Variants in NAV3 observed in about 807,000 individuals in gnomAD.
NAV3 encodes the protein pore membrane and/or filament interacting like protein 1.
In NAV3, 87 loss-of-function variants were observed where a neutral mutation model predicts 244.7. The observed-to-expected ratio is 0.36, with a 90% CI of 0.30 to 0.42. The LOEUF (loss-of-function observed/expected upper bound fraction) is 0.42, where lower values mean the gene tolerates loss of function less well. NAV3 is among the 20% of genes least tolerant of loss of function. NAV3 has a pLI of 1.00. For synonymous variants in NAV3, 1,126 were observed against 1,042.2 expected, an observed-to-expected ratio of 1.08 and a Z score of -1.55; for missense variants, 2,663 against 2,893.3, an observed-to-expected ratio of 0.92 and a Z score of 1.83.
Position 77,960,445 on chromosome 12 carries a change from A to ATG in NAV3, c.415-5783_415-5782insGT, listed in dbSNP as rs1306776141. 1.5e-4 allele frequency among the ~76,000 whole-genome samples: 10 copies of ATG among 68,172 alleles called. No individual in the cohort carries two copies. The South Asian group carries it at 2.2e-3, about 15-fold the overall frequency. 44.7% of individuals were successfully genotyped at this position (68,172 alleles called of 152,430 possible). On this transcript the variant is annotated intron_variant, in intron 3 of 39. Transcript: ENST00000397909. ...ATACATTCTGGCCAGTCATATATAT[A>ATG]TATATACACACACACACACACACAC... is the stretch of plus-strand genomic sequence containing the variant.
intron 2 of NAV3, among the ~76,000 whole-genome samples, chr12:77,736,601 A>AG (rs1349357850): frequency 1.5e-4 from 23 of 152,290 alleles, no homozygotes; most frequent in African/African-American, 5.5e-4. Flanking sequence ...ATGGTAATTT[A>AG]GGGCTCACAG....
At chr12:78,190,358 G>C (rs1958919320) in intron 34 of NAV3, 139 bp downstream of exon 34, 2 of 690,664 alleles carry the variant, frequency 2.9e-6, no homozygotes, top group Admixed American at 5.7e-5. Context: ...TTGTAACCTG[G>C]TGAGTGATCA....
At chr12:77,769,457 G>T (rs1869959238) in intron 2 of NAV3, among the ~76,000 whole-genome samples, 1 of 152,198 alleles carries the variant, frequency 6.6e-6, no homozygotes, top group Admixed American at 6.5e-5. Flanking sequence ...TTGAAAAGAG[G>T]AATGTTGATC....
intron 2 of NAV3, among the ~76,000 whole-genome samples, chr12:77,767,948 C>G (rs1869864532): frequency 6.6e-6 from 1 of 152,234 alleles, no homozygotes; most frequent in Middle Eastern, 3.2e-3. Context: ...ACAAGGTATG[C>G]AGACAACTGG....
At chr12:77,830,449 T>C (rs1402060590), upstream of NAV3, among the ~76,000 whole-genome samples, 1 of 152,250 alleles carries the variant, frequency 6.6e-6, no homozygotes, top group Non-Finnish European at 1.5e-5. Context: ...AATGTGATAA[T>C]GCATAAAATG....
chr12:77,748,069 T>C (rs1443355701), intron 2 of NAV3, among the ~76,000 whole-genome samples: 1 of 152,200 alleles, frequency 6.6e-6, no homozygotes, highest in Non-Finnish European at 1.5e-5. Flanking sequence ...TTTTAAGTCT[T>C]AATAATTATG....
chr12:77,661,638 A>T (rs981071965), intron 2 of NAV3, among the ~76,000 whole-genome samples: 1 of 151,974 alleles, frequency 6.6e-6, no homozygotes. Context: ...AGGCCCCCCA[A>T]ATTTTCTCCT....
In NAV3 at chr12:78,190,101, G is replaced by C. The variant is rs183717093; in HGVS notation, c.6173G>C (p.Ser2058Thr). ...EHHRIILSGP[S>T]GTGKTYLANK... ...CACAGAATTATACTCTCAGGACCGA[G>C]TGGTACTGGAAAGACCTATTTGGCA... The change falls in exon 34 of 40, where the codon AGT becomes ACT. Residue 2058 changes from serine (S) to threonine (T), a missense_variant. Ser to Thr is a moderately conservative substitution (Grantham distance 58). Coordinates refer to ENST00000397909, the MANE Select transcript of NAV3 (RefSeq NM_001024383.2). 8 of 1,613,034 alleles carry C rather than the reference G, an allele frequency of 5.0e-6. No homozygotes were observed. The African/African-American group carries it at 9.3e-5, about 19-fold the overall frequency.
chr12:77,678,296 A>T (rs937371894), intron 2 of NAV3, among the ~76,000 whole-genome samples: 1 of 152,208 alleles, frequency 6.6e-6, no homozygotes, highest in East Asian at 1.9e-4. Flanking sequence ...CCTATTCAGC[A>T]TCACCAGAAG....
intron 2 of NAV3, among the ~76,000 whole-genome samples, chr12:77,604,286 A>C (rs1870572564): frequency 6.6e-6 from 1 of 152,096 alleles, no homozygotes; most frequent in Non-Finnish European, 1.5e-5. Context: ...AGGATCAGTG[A>C]GTGTAGCAGA....
In NAV3 at chr12:78,188,770, C is replaced by T. The variant is rs2139856883; in HGVS notation, c.6048C>T (p.Asn2016=). The stretch of plus-strand genomic sequence containing the variant: ...GAGATAATAACATCATCACTGTGAA[C>T]CTCAAAGGTAAAAGCAATAATGAAA... The part of the protein sequence containing the change: ...LVGDNNIITV[N]LKGVEENSLD... Residue 2016 remains asparagine (N), a synonymous_variant, in exon 33 of 40, where the codon AAC becomes AAT. Transcript: ENST00000397909. 6.2e-7 allele frequency: 1 copy of T among 1,611,024 alleles called. No individual in the cohort carries two copies. The highest frequency in any genetic ancestry group is 8.5e-7 in the Non-Finnish European group (1 of 1,178,232).
chr12:77,883,595 T>C (rs1882928649), intron 1 of NAV3, among the ~76,000 whole-genome samples: 1 of 152,084 alleles, frequency 6.6e-6, no homozygotes, highest in African/African-American at 2.4e-5. Flanking sequence ...AAATAAAAGT[T>C]GAATTTTTTG....
chr12:78,011,170 G>A (rs1875205909), intron 8 of NAV3, among the ~76,000 whole-genome samples: 1 of 152,090 alleles, frequency 6.6e-6, no homozygotes, highest in Admixed American at 6.6e-5. Context: ...AATTGGAATA[G>A]GCTGCTTTTT....
intron 1 of NAV3, among the ~76,000 whole-genome samples, chr12:77,925,539 CG>C (rs71440498): frequency 2.4e-4 from 25 of 103,598 alleles, no homozygotes; most frequent in East Asian, 1.7e-3. Flanking sequence ...GATGAAAAGG[CG>C]GGGGGAGGTT....
intron 1 of NAV3, among the ~76,000 whole-genome samples, chr12:77,888,560 C>CAAAGTATTAAGATTATATTAATACAA (rs1883567228): frequency 6.6e-6 from 1 of 152,108 alleles, no homozygotes; most frequent in South Asian, 2.1e-4. Flanking sequence ...TATCTTAATA[C>CAAAGTATTAAGATTATATTAATACAA]AGTAAGACAA....
intron 2 of NAV3, among the ~76,000 whole-genome samples, chr12:77,601,452 G>A (rs1019518184): frequency 1.3e-5 from 2 of 151,974 alleles, no homozygotes; most frequent in African/African-American, 4.8e-5. Flanking sequence ...TTTCTTACAA[G>A]CACTAAAGCA....
rs375961662 is a variant in NAV3, at chr12:77,985,790, G to A, written c.672-9013G>A. ...TTTTAATCATTTACTTCTATTTCCT[G>A]TGCCTCTGTCTTCATTCAGGCCTAT... On this transcript the variant is annotated intron_variant, in intron 5 of 39. Coordinates refer to ENST00000397909, the MANE Select transcript of NAV3 (RefSeq NM_001024383.2). Among the ~76,000 whole-genome samples the A allele has an allele frequency of 9.2e-5, 14 of 151,900 alleles. No homozygotes were observed. In the South Asian group the frequency reaches 2.3e-3, roughly 25 times the overall value.
intron 1 of NAV3, among the ~76,000 whole-genome samples, chr12:77,863,947 A>G (rs1199036016): frequency 6.6e-6 from 1 of 151,908 alleles, no homozygotes. Context: ...TCAAGTTAAT[A>G]GTAAGACATC....
chr12:77,639,696 A>G (rs1297761063), intron 2 of NAV3, among the ~76,000 whole-genome samples: 2 of 152,164 alleles, frequency 1.3e-5, no homozygotes, highest in Non-Finnish European at 2.9e-5. Flanking sequence ...CTGGTGTAAG[A>G]ACATACAGTC....
Sources: gnomAD v4.1 joint callset for allele counts (sites outside exome capture counted in the v4.1 genomes callset) on GRCh38, gnomAD v4.1.1 for gene constraint, MANE v1.5 for transcripts, NCBI Gene and HGNC (gene_info 2026-07-23, HGNC 2026-07-21) for gene names.